The following DPYSL5 variants were observed in gnomAD, a reference collection of about 807,000 sequenced individuals.
DPYSL5 encodes the protein dihydropyrimidinase-related protein 5.
Under a neutral mutation model 58.4 loss-of-function variants are expected in DPYSL5, and 9 were observed. The observed-to-expected ratio is 0.15, with a 90% CI of 0.09 to 0.27. DPYSL5 has a LOEUF of 0.27. Among genes scored for constraint, DPYSL5 ranks in the 10% least tolerant of loss-of-function variants. The pLI is 1.00. For synonymous variants in DPYSL5, 293 were observed against 301.9 expected (o/e 0.97, Z 0.31); for missense variants, 499 against 770.6 (o/e 0.65, Z 4.17).
rs1004943717 is a variant in DPYSL5, at chr2:26,924,188, C to A, written c.262-699C>A. ...AATTTCTTTTTAAAGTGGTATCTTG[C>A]GGAGTTGTGAATAGGATCCGTTTTC... On this transcript the variant is annotated intron_variant, in intron 2 of 12. Transcript: ENST00000288699. The surrounding 1 kb of genome is among the most constrained non-coding windows in gnomAD (Gnocchi z 4.7). 3.9e-5 allele frequency among the ~76,000 whole-genome samples: 6 copies of A among 152,034 alleles called. No homozygotes were observed. The highest frequency in any genetic ancestry group is 8.8e-5 in the Non-Finnish European group (6 of 68,024).
intron 2 of DPYSL5, among the ~76,000 whole-genome samples, chr2:26,904,846 G>A (rs1442951063): frequency 6.6e-6 from 1 of 152,246 alleles, no homozygotes; most frequent in African/African-American, 2.4e-5. Flanking sequence ...TGAGGCTGCA[G>A]TGAGCTGTGA....
At chr2:26,906,813 C>T (rs1339046438) in intron 2 of DPYSL5, among the ~76,000 whole-genome samples, 2 of 151,346 alleles carry the variant, frequency 1.3e-5, no homozygotes, top group East Asian at 2.0e-4. Context: ...CAGGCTGGAG[C>T]GTAGTGGCAT....
chr2:26,917,356 C>A (rs568671013), intron 2 of DPYSL5, among the ~76,000 whole-genome samples: 1 of 152,190 alleles, frequency 6.6e-6, no homozygotes, highest in Non-Finnish European at 1.5e-5. Flanking sequence ...AGGGAAAAAC[C>A]TGTCAGCTTC....
intron 1 of DPYSL5, among the ~76,000 whole-genome samples, chr2:26,882,090 C>CAAAAAAAA (rs752138649): frequency 3.3e-3 from 132 of 40,546 alleles, no homozygotes; most frequent in African/African-American, 7.1e-3. Flanking sequence ...GACTCCATCT[C>CAAAAAAAA]AAAAAAAAAA....
At chr2:26,935,917 T>C (rs565279497) in intron 8 of DPYSL5, among the ~76,000 whole-genome samples, 1 of 152,272 alleles carries the variant, frequency 6.6e-6, no homozygotes, top group South Asian at 2.1e-4. Flanking sequence ...AACAAGGACC[T>C]GCACAAGGCA....
chr2:26,862,340 C>T (rs890357841), intron 1 of DPYSL5, among the ~76,000 whole-genome samples: 1 of 152,198 alleles, frequency 6.6e-6, no homozygotes, highest in African/African-American at 2.4e-5. Flanking sequence ...TCTTTCTTTT[C>T]GTGAATGTAT....
chr2:26,931,169 A>ATGTGTGTGTGTGTGTGTGTGTGTGTG (rs1324624030), intron 5 of DPYSL5, among the ~76,000 whole-genome samples: 1 of 45,700 alleles, frequency 2.2e-5, no homozygotes, highest in African/African-American at 7.0e-5. Flanking sequence ...ATATATATAT[A>ATGTGTGTGTGTGTGTGTGTGTGTGTG]TGTGTGTGTG....
intron 1 of DPYSL5, among the ~76,000 whole-genome samples, chr2:26,855,849 T>C (rs1179742162): frequency 6.6e-6 from 1 of 152,248 alleles, no homozygotes; most frequent in Non-Finnish European, 1.5e-5. Flanking sequence ...TCTAATTTTT[T>C]ACTTCGGATT....
intron 1 of DPYSL5, among the ~76,000 whole-genome samples, chr2:26,896,752 C>A (rs1664031722): frequency 6.6e-6 from 1 of 152,168 alleles, no homozygotes; most frequent in African/African-American, 2.4e-5. Context: ...TGGGCTCTTT[C>A]AATTCCTTAT....
At chr2:26,893,294 A>T (rs1040928239) in intron 1 of DPYSL5, among the ~76,000 whole-genome samples, 13 of 152,136 alleles carry the variant, frequency 8.5e-5, no homozygotes, top group African/African-American at 2.9e-4. Context: ...AAATAAACCA[A>T]CTGTTTCCAG....
rs1553316450 is a variant in DPYSL5, at chr2:26,888,209, T to TC, written c.-4-10287_-4-10286insC. On this transcript the variant is annotated intron_variant, in intron 1 of 12. Coordinates refer to ENST00000288699, the MANE Select transcript of DPYSL5 (RefSeq NM_020134.4). ...CTTTTTCCTTCCTTCCTTCCCTTTC[T>TC]TTTCTTTCTTTCTTTCTTTCTTTCT... is the stretch of plus-strand genomic sequence containing the variant. Among the ~76,000 whole-genome samples, 4 of 105,128 alleles carry TC rather than the reference T, an allele frequency of 3.8e-5. No homozygotes were observed. In the East Asian group the frequency reaches 7.7e-4, roughly 20 times the overall value. 69.0% of individuals were successfully genotyped at this position (105,128 alleles called of 152,430 possible).
At chr2:26,939,451 T>A (rs1033371524) in intron 8 of DPYSL5, 1 of 153,176 alleles carries the variant, frequency 6.5e-6, no homozygotes, top group African/African-American at 2.4e-5. Flanking sequence ...AGCCTTAATA[T>A]ATGTGTGAGG....
In DPYSL5 at chr2:26,933,267, C is replaced by T; in HGVS notation, c.724C>T (p.Pro242Ser). The T allele has an allele frequency of 6.2e-7, 1 of 1,614,118 alleles. No individual in the cohort carries two copies. The highest frequency in any genetic ancestry group is 8.5e-7 in the Non-Finnish European group (1 of 1,179,968). Reference sequence around the variant, plus strand: ...TGTTTCTTGTGTTTAGACTCACTGTCCAATCTACCTGGTCAACGTGTCCAG... The same window carrying T: ...TGTTTCTTGTGTTTAGACTCACTGTTCAATCTACCTGGTCAACGTGTCCAG... ...VITIANRTHC[P>S]IYLVNVSSIS... is the part of the protein sequence containing the mutation. Residue 242 changes from proline (P) to serine (S), a missense_variant, in exon 7 of 13, where the codon CCA becomes TCA. Physicochemically the swap from Pro to Ser is moderately conservative, Grantham distance 74. This residue lies in a region of DPYSL5 where 404 missense variants were observed against 647.6 expected (regional missense o/e 0.62). Transcript: ENST00000288699. This position sits in a 1 kb window ranked among gnomAD's most constrained non-coding sequence, Gnocchi z 4.2.
intron 1 of DPYSL5, among the ~76,000 whole-genome samples, chr2:26,894,200 A>G (rs1278874018): frequency 6.6e-6 from 1 of 152,080 alleles, no homozygotes; most frequent in Non-Finnish European, 1.5e-5. Context: ...GACCACAGCT[A>G]TCTGAGTTGC....
chr2:26,893,777 G>C (rs528873731), intron 1 of DPYSL5, among the ~76,000 whole-genome samples: 2 of 152,286 alleles, frequency 1.3e-5, no homozygotes, highest in East Asian at 3.9e-4. Context: ...TGGATCTAGT[G>C]AAGGCACAAA....
At chr2:26,914,771 G>A (rs1171651571) in intron 2 of DPYSL5, among the ~76,000 whole-genome samples, 3 of 152,084 alleles carry the variant, frequency 2.0e-5, no homozygotes, top group Non-Finnish European at 2.9e-5. Context: ...CTTTGTCCCT[G>A]GGACAAGAAA....
Position 26,877,630 on chromosome 2 carries a change from C to T in DPYSL5, c.-4-20866C>T, listed in dbSNP as rs1663446939. ...TAAATAAGACACTGTCACACAATAT[C>T]TTTTAACTCATCTGTATTTGTATAA... On this transcript the variant is annotated intron_variant, in intron 1 of 12. Transcript: ENST00000288699. This position sits in a 1 kb window ranked among gnomAD's most constrained non-coding sequence, Gnocchi z 4.1. Among the ~76,000 whole-genome samples the T allele has an allele frequency of 6.6e-6, 1 of 152,194 alleles. No individual in the cohort carries two copies. Among genetic ancestry groups the T allele is most frequent in the South Asian group, 2.1e-4 (1 of 4,834 alleles).
chr2:26,927,472 G>A lies in DPYSL5; in HGVS notation c.600+40G>A, dbSNP rs779981246. On this transcript the variant is annotated intron_variant, in intron 4 of 12. Transcript: ENST00000288699. This position sits in a 1 kb window ranked among gnomAD's most constrained non-coding sequence, Gnocchi z 4.3. ...AAGAATATTGGATGGAGGGACACCA[G>A]TGGAGACAGTTAGTTCTCAGGGGAT... The A allele has an allele frequency of 1.2e-6, 2 of 1,601,742 alleles. No individual in the cohort carries two copies. Among genetic ancestry groups the A allele is most frequent in the Non-Finnish European group, 1.7e-6 (2 of 1,173,334 alleles).
chr2:26,935,811 G>T (rs935236808), intron 8 of DPYSL5, among the ~76,000 whole-genome samples: 1 of 152,140 alleles, frequency 6.6e-6, no homozygotes, highest in African/African-American at 2.4e-5. Context: ...CTCAGCTTGG[G>T]TTGGGGTAGG....
Sources: gnomAD v4.1 joint callset for allele counts (sites outside exome capture counted in the v4.1 genomes callset) on GRCh38, gnomAD v4.1.1 for gene constraint, gnomAD v4.1.1 regional missense constraint, Gnocchi (gnomAD v3.1) non-coding constraint, MANE v1.5 for transcripts, NCBI Gene and HGNC (gene_info 2026-07-23, HGNC 2026-07-21) for gene names.